The following CLEC16A variants were observed in gnomAD, a reference collection of about 807,000 sequenced individuals.
CLEC16A encodes the protein C-type lectin domain containing 16A.
CLEC16A carries 51 observed loss-of-function variants against 109.5 expected under a neutral mutation model. The ratio of observed to expected loss-of-function variants is 0.47; its 90% CI spans 0.37 to 0.59. The LOEUF is 0.59. Ranked by LOEUF, CLEC16A falls within the 20% of genes least tolerant of loss-of-function variation. CLEC16A has a pLI of 0.00. For missense variants in CLEC16A, 1,339 were observed against 1,394.0 expected, an observed-to-expected ratio of 0.96 and a Z score of 0.63; for synonymous variants, 673 against 564.2, an observed-to-expected ratio of 1.19 and a Z score of -2.73.
chr16:11,168,005 T>C (rs2068345172), intron 23 of CLEC16A, among the ~76,000 whole-genome samples: 1 of 152,206 alleles, frequency 6.6e-6, no homozygotes, highest in South Asian at 2.1e-4. Context: ...GATGAAAGCT[T>C]CCTTGCCCTT....
At chr16:11,022,902 AAT>A (rs3029840) in intron 12 of CLEC16A, among the ~76,000 whole-genome samples, 24,946 of 142,844 alleles carry the variant, frequency 0.17, 2,332 homozygotes, top group South Asian at 0.24. Context: ...CCATCTCAAA[AAT>A]ATATATATAT....
chr16:11,081,643 C>T (rs1044115371), intron 19 of CLEC16A, among the ~76,000 whole-genome samples: 4 of 152,170 alleles, frequency 2.6e-5, no homozygotes, highest in Admixed American at 2.0e-4. Context: ...TCATTTCTTA[C>T]AGGACAGCAG....
intron 1 of CLEC16A, among the ~76,000 whole-genome samples, chr16:10,946,050 G>A (rs969175941): frequency 6.6e-6 from 1 of 152,124 alleles, no homozygotes; most frequent in African/African-American, 2.4e-5. Context: ...GGGCAGGTGT[G>A]GAGGATGATG....
intron 19 of CLEC16A, among the ~76,000 whole-genome samples, chr16:11,067,027 G>C (rs2048798290): frequency 6.6e-6 from 1 of 152,042 alleles, no homozygotes; most frequent in African/African-American, 2.4e-5. Context: ...TAAAAGAAAA[G>C]ACATTGTTAA....
intron 18 of CLEC16A, among the ~76,000 whole-genome samples, chr16:11,052,027 C>G (rs16957993): frequency 0.046 from 7,061 of 152,226 alleles, 217 homozygotes; most frequent in Non-Finnish European, 0.067. Flanking sequence ...TCAGGACCCC[C>G]AGAGATAGTG....
intron 23 of CLEC16A, among the ~76,000 whole-genome samples, chr16:11,167,570 CTCTT>C (rs904865651): frequency 9.2e-5 from 14 of 152,218 alleles, no homozygotes; most frequent in Admixed American, 2.6e-4. Context: ...CTACACCTCT[CTCTT>C]GGGCACTTCC....
intron 22 of CLEC16A, among the ~76,000 whole-genome samples, chr16:11,128,840 C>T (rs1265202889): frequency 1.3e-5 from 2 of 152,032 alleles, no homozygotes; most frequent in Non-Finnish European, 1.5e-5. Context: ...TCCGAGATCT[C>T]CTCTCCCAGA....
chr16:10,967,123 T>G (rs1243209703), intron 3 of CLEC16A, among the ~76,000 whole-genome samples: 1 of 152,190 alleles, frequency 6.6e-6, no homozygotes, highest in Non-Finnish European at 1.5e-5. Flanking sequence ...CTGCCATGCC[T>G]GCTCAGAGTG....
chr16:11,092,767 G>A (rs999225694), intron 19 of CLEC16A, among the ~76,000 whole-genome samples: 3 of 152,228 alleles, frequency 2.0e-5, no homozygotes, highest in Non-Finnish European at 2.9e-5. Context: ...TGTCGTCTAT[G>A]AGCTGTATGA....
At chr16:11,014,712 T>G (rs1037110739) in intron 11 of CLEC16A, among the ~76,000 whole-genome samples, 8 of 152,190 alleles carry the variant, frequency 5.3e-5, no homozygotes, top group African/African-American at 1.9e-4. Context: ...GTCCCGGCCT[T>G]GGGGACCATA....
Position 11,178,122 on chromosome 16 carries a change from C to A in CLEC16A, c.2807-213C>A, listed in dbSNP as rs2068830632. ...TATCACAAGTCAGGGTAACCCTAGG[C>A]CCTGCTGTATTTTCCCCAGGCCTAA... On this transcript the variant is annotated intron_variant, in intron 23 of 23. Transcript: ENST00000409790. The surrounding 1 kb of genome is among the most constrained non-coding windows in gnomAD (Gnocchi z 6.5). Among the ~76,000 whole-genome samples, 1 of 152,174 alleles carries A rather than the reference C, an allele frequency of 6.6e-6. No homozygotes were observed. The highest frequency in any genetic ancestry group is 2.1e-4 in the South Asian group (1 of 4,830).
chr16:10,988,194 G>T (rs934650619), intron 10 of CLEC16A, among the ~76,000 whole-genome samples: 2 of 152,214 alleles, frequency 1.3e-5, no homozygotes, highest in South Asian at 2.1e-4. Flanking sequence ...TTTGGGATAT[G>T]CATCATTACT....
intron 3 of CLEC16A, among the ~76,000 whole-genome samples, chr16:10,964,661 C>T (rs903887377): frequency 2.0e-5 from 3 of 152,164 alleles, no homozygotes; most frequent in Non-Finnish European, 2.9e-5. Flanking sequence ...CAGCTAGGCA[C>T]GGGGTGACTG....
intron 19 of CLEC16A, among the ~76,000 whole-genome samples, chr16:11,084,593 G>A (rs1195913316): frequency 2.0e-5 from 3 of 152,198 alleles, no homozygotes; most frequent in Non-Finnish European, 2.9e-5. Context: ...CACACTTTGC[G>A]TGGGTCTCTT....
At chr16:10,979,299 C>A in intron 8 of CLEC16A, 30 bp from the exon 9 acceptor site, 1 of 1,589,994 alleles carries the variant, frequency 6.3e-7, no homozygotes, top group Non-Finnish European at 8.6e-7. Flanking sequence ...GACCTGATCT[C>A]TCTCTCTCTC....
chr16:10,987,557 G>A (rs760468355), intron 10 of CLEC16A, among the ~76,000 whole-genome samples: 8 of 152,334 alleles, frequency 5.3e-5, no homozygotes, highest in South Asian at 2.1e-4. Context: ...ACTCTGTAGC[G>A]TGGAGGGAAT....
At chr16:10,995,874 T>A (rs75143109) in intron 10 of CLEC16A, among the ~76,000 whole-genome samples, 2 of 152,214 alleles carry the variant, frequency 1.3e-5, no homozygotes, top group African/African-American at 4.8e-5. Context: ...CAGAGCTGTT[T>A]GAGGAAGCAT....
At chr16:11,080,375 G>A (rs530991064) in intron 19 of CLEC16A, among the ~76,000 whole-genome samples, 77 of 152,354 alleles carry the variant, frequency 5.1e-4, no homozygotes, top group Admixed American at 1.2e-3. Context: ...GCTTCTGGGC[G>A]TCCGAGCCTT....
intron 3 of CLEC16A, among the ~76,000 whole-genome samples, chr16:10,964,808 A>G (rs767923132): frequency 6.6e-6 from 1 of 152,234 alleles, no homozygotes; most frequent in African/African-American, 2.4e-5. Flanking sequence ...AAATGTGTAC[A>G]TTGTGAAATA....
Sources: allele counts gnomAD v4.1 joint callset (sites outside exome capture counted in the v4.1 genomes callset), GRCh38; gene constraint gnomAD v4.1.1; non-coding constraint Gnocchi (gnomAD v3.1); transcripts MANE v1.5; gene names NCBI Gene and HGNC (gene_info 2026-07-23, HGNC 2026-07-21).